ATP5MC2: variants seen among roughly 807,000 people sequenced by gnomAD.
The protein encoded by ATP5MC2 is ATP synthase membrane subunit c locus 2, also known as ATP synthase F(0) complex subunit C2, mitochondrial.
ATP5MC2 carries 11 observed loss-of-function variants against 13.5 expected under a neutral mutation model. That is an observed-to-expected ratio of 0.81 (90% CI 0.51 to 1.35). The LOEUF is 1.35. Ranked by LOEUF, ATP5MC2 falls within the 40% of genes most tolerant of loss-of-function variation. The pLI is 0.00. For missense variants in ATP5MC2, 132 were observed against 175.0 expected (o/e 0.75, Z 1.39); for synonymous variants, 64 against 69.7 (o/e 0.92, Z 0.41).
intron 2 of ATP5MC2, 146 bp downstream of exon 2, chr12:53,672,430 C>CA: frequency 1.2e-6 from 1 of 844,462 alleles, no homozygotes; most frequent in Non-Finnish European, 1.9e-6. Flanking sequence ...CCATGTTGGC[C>CA]AGGCTGGTTT....
intron 4 of ATP5MC2, among the ~76,000 whole-genome samples, chr12:53,666,929 G>A: frequency 7.2e-6 from 1 of 138,698 alleles, no homozygotes. Context: ...CTGGGAGACA[G>A]CGAGACTCAG....
At chr12:53,666,088 A>G in intron 4 of ATP5MC2, among the ~76,000 whole-genome samples, 1 of 152,152 alleles carries the variant, frequency 6.6e-6, no homozygotes, top group South Asian at 2.1e-4. Context: ...CAGGCGGATC[A>G]CTTGAAGCCA....
At chr12:53,669,663 G>A (rs1945035238) in intron 3 of ATP5MC2, among the ~76,000 whole-genome samples, 1 of 152,180 alleles carries the variant, frequency 6.6e-6, no homozygotes, top group African/African-American at 2.4e-5. Context: ...CAGTGCACAG[G>A]GGCATGTGCT....
At chr12:53,679,007 G>C (rs1945324686), upstream of ATP5MC2, among the ~76,000 whole-genome samples, 1 of 152,124 alleles carries the variant, frequency 6.6e-6, no homozygotes, top group South Asian at 2.1e-4. Context: ...CCCTCAGGGG[G>C]GCCACAGACT....
At chr12:53,669,063 G>A in intron 4 of ATP5MC2, 85 bp downstream of exon 4, 1 of 1,499,132 alleles carries the variant, frequency 6.7e-7, no homozygotes, top group Non-Finnish European at 8.9e-7. Flanking sequence ...CTACAGTGTG[G>A]GATAGTATAG....
At chr12:53,674,259 G>A (rs1945200304) in intron 1 of ATP5MC2, among the ~76,000 whole-genome samples, 1 of 152,192 alleles carries the variant, frequency 6.6e-6, no homozygotes, top group Non-Finnish European at 1.5e-5. Flanking sequence ...CAGGAGGACT[G>A]CTTGAACCCA....
upstream of ATP5MC2, among the ~76,000 whole-genome samples, chr12:53,681,331 G>T (rs1945338549): frequency 6.6e-6 from 1 of 151,292 alleles, no homozygotes; most frequent in African/African-American, 2.4e-5. Context: ...TTCAAAACCA[G>T]CCTGGCCAAC....
upstream of ATP5MC2, among the ~76,000 whole-genome samples, chr12:53,680,656 C>T (rs1056250144): frequency 6.6e-6 from 1 of 150,702 alleles, no homozygotes; most frequent in African/African-American, 2.4e-5. Context: ...ATAGCGAGAC[C>T]CCATTGCTAC....
At chr12:53,676,345 C>T (rs1945278152), upstream of ATP5MC2, 16 of 1,175,282 alleles carry the variant, frequency 1.4e-5, no homozygotes, top group Non-Finnish European at 1.9e-5. Flanking sequence ...TGGTCTGTAC[C>T]GCGTTTGGGA....
At chr12:53,666,197 A>G (rs1944909505) in intron 4 of ATP5MC2, among the ~76,000 whole-genome samples, 2 of 152,026 alleles carry the variant, frequency 1.3e-5, no homozygotes, top group Non-Finnish European at 2.9e-5. Flanking sequence ...TAATCCCAGC[A>G]CTTTGGGAGG....
At chr12:53,665,464 G>C (rs1012260202) in intron 4 of ATP5MC2, 36 bp from the exon 5 acceptor site, 2 of 1,500,370 alleles carry the variant, frequency 1.3e-6, no homozygotes, top group African/African-American at 2.8e-5. Context: ...TGAATTTCTA[G>C]TTCACACAAA....
chr12:53,679,794 C>T (rs77029523), upstream of ATP5MC2, among the ~76,000 whole-genome samples: 3,373 of 152,176 alleles, frequency 0.022, 97 homozygotes, highest in African/African-American at 0.066. Flanking sequence ...TTCCCTAAGA[C>T]ATCAGGACTG....
At chr12:53,669,125 G>C (rs772194201) in intron 4 of ATP5MC2, 23 bp downstream of exon 4, 2 of 1,592,260 alleles carry the variant, frequency 1.3e-6, no homozygotes, top group Middle Eastern at 1.7e-4. Context: ...CAGATAACCA[G>C]TGGAGGGTCC....
At chr12:53,672,127 T>C (rs1190621416) in intron 2 of ATP5MC2, among the ~76,000 whole-genome samples, 1 of 135,734 alleles carries the variant, frequency 7.4e-6, no homozygotes. Context: ...CCAAGGGATA[T>C]GGGGCAGGAG....
Position 53,665,394 on chromosome 12 carries a change from C to T in ATP5MC2, c.346G>A (p.Ala116Thr), listed in dbSNP as rs374457649. The change falls in exon 5 of 5, where the codon GCC becomes ACC. Residue 116 changes from alanine (A) to threonine (T), a missense_variant. Ala to Thr is a moderately conservative substitution (Grantham distance 58). Transcript: ENST00000394349. ...PSLKQQLFSY[A>T]ILGFALSEAM... ...TCCGAGAGGGCAAAGCCCAGAATGG[C>T]GTAGGAGAAGAGCTGTTGCTTCAGA... is the stretch of plus-strand genomic sequence containing the variant. 155 of 1,614,008 alleles carry T rather than the reference C, an allele frequency of 9.6e-5. No homozygotes were observed. The highest frequency in any genetic ancestry group is 1.2e-4 in the Non-Finnish European group (142 of 1,180,004).
chr12:53,671,247 G>A (rs756983209), intron 2 of ATP5MC2, among the ~76,000 whole-genome samples: 7 of 152,174 alleles, frequency 4.6e-5, no homozygotes, highest in Non-Finnish European at 1.0e-4. Flanking sequence ...GTATTCTCAG[G>A]ATAAGTCACT....
At chr12:53,674,229 A>C (rs1945199857) in intron 1 of ATP5MC2, among the ~76,000 whole-genome samples, 1 of 152,196 alleles carries the variant, frequency 6.6e-6, no homozygotes, top group Non-Finnish European at 1.5e-5. Context: ...CTGTAGTCCC[A>C]GCTACTCCAG....
chr12:53,677,312 C>G (rs1045375369), upstream of ATP5MC2: 1 of 152,226 alleles, frequency 6.6e-6, no homozygotes, highest in African/African-American at 2.4e-5. Context: ...GAGCCGCAGA[C>G]AGGCACACCC....
chr12:53,680,055 G>A (rs189701666), upstream of ATP5MC2, among the ~76,000 whole-genome samples: 1 of 152,284 alleles, frequency 6.6e-6, no homozygotes, highest in East Asian at 1.9e-4. Flanking sequence ...ACACGATCAT[G>A]GCTCACTGCA....
Sources: allele counts gnomAD v4.1 joint callset (sites outside exome capture counted in the v4.1 genomes callset), GRCh38; gene constraint gnomAD v4.1.1; transcripts MANE v1.5; gene names NCBI Gene and HGNC (gene_info 2026-07-23, HGNC 2026-07-21).